KHDC1: variants seen among roughly 807,000 people sequenced by gnomAD.
KHDC1 encodes the protein KH homology domain-containing protein 1.
A neutral mutation model predicts 24.7 loss-of-function variants in KHDC1; 21 were observed. The ratio of observed to expected loss-of-function variants is 0.85; its 90% CI spans 0.60 to 1.23. The LOEUF (loss-of-function observed/expected upper bound fraction) is 1.23. KHDC1 is among the 50% of genes most tolerant of loss of function. The pLI, the probability that KHDC1 is intolerant of heterozygous loss-of-function variation, is 0.00. For missense variants in KHDC1, 274 were observed against 298.5 expected (o/e 0.92, Z 0.61); for synonymous variants, 98 against 111.7 (o/e 0.88, Z 0.77).
chr6:73,245,212 A>C lies in KHDC1; in HGVS notation c.207-2682T>G, dbSNP rs1438090282. 2.0e-5 allele frequency among the ~76,000 whole-genome samples: 3 copies of C among 152,080 alleles called. 1 individual carries two copies. The highest frequency in any genetic ancestry group is 4.4e-5 in the Non-Finnish European group (3 of 68,030). On this transcript the variant is annotated intron_variant, in intron 2 of 4. Transcript: ENST00000370384. ...TTGGTGTCAGCAGCTTGAACTGAAG[A>C]TGTTGGTTTGATCGTCTTCTTCTAA...
intron 2 of KHDC1, among the ~76,000 whole-genome samples, chr6:73,249,314 G>A (rs1766734926): frequency 1.3e-5 from 2 of 152,008 alleles, no homozygotes; most frequent in Non-Finnish European, 2.9e-5. Flanking sequence ...CATTGAAAAA[G>A]TATCTCTGAA....
At chr6:73,261,535 C>CAAA (rs1766979673) in intron 2 of KHDC1, among the ~76,000 whole-genome samples, 1 of 151,720 alleles carries the variant, frequency 6.6e-6, no homozygotes, top group African/African-American at 2.4e-5. Flanking sequence ...TTTGGGAGGT[C>CAAA]GAGGCGGGCG....
chr6:73,277,360 G>A (rs1025620969), intron 2 of KHDC1, among the ~76,000 whole-genome samples: 3 of 150,772 alleles, frequency 2.0e-5, no homozygotes, highest in Non-Finnish European at 3.0e-5. Flanking sequence ...AGCTACTCAG[G>A]AGGCTGAGGC....
chr6:73,241,493 T>C, exon 5 of KHDC1: 1 of 1,598,802 alleles, frequency 6.3e-7, no homozygotes, highest in South Asian at 1.1e-5. Flanking sequence ...AGATTTCTCC[T>C]CTCATCCCCA....
At position 73,252,096 on chromosome 6, in the gene KHDC1, G is replaced by A. The variant is rs138460376; in HGVS notation, c.207-9566C>T. On this transcript the variant is annotated intron_variant, in intron 2 of 4. Transcript: ENST00000370384. ...CTCACCCTGTCACCCAAGCTGGAGTGCAGTGGTGCAATCAGGGCTCACTGC... is the reference window on the plus strand; with the variant it reads ...CTCACCCTGTCACCCAAGCTGGAGTACAGTGGTGCAATCAGGGCTCACTGC... 2.3e-4 allele frequency among the ~76,000 whole-genome samples: 35 copies of A among 149,852 alleles called. 1 individual carries two copies. Among genetic ancestry groups the A allele is most frequent in the African/African-American group, 8.6e-4 (35 of 40,594 alleles).
chr6:73,241,730 T>C lies in KHDC1; in HGVS notation c.515-2A>G, dbSNP rs755395535. On this transcript the variant is annotated splice_acceptor_variant, in intron 4 of 4. Transcript: ENST00000370384. LOFTEE classifies it high-confidence loss of function. ...GGACACGTTCCAGCATCTCCAGGCC[T>C]GCAAAATAAGTGCCCAGGGCTAATG... 5.0e-6 allele frequency: 8 copies of C among 1,614,070 alleles called. No homozygotes were observed. Among genetic ancestry groups the C allele is most frequent in the Non-Finnish European group, 6.8e-6 (8 of 1,179,988 alleles).
chr6:73,249,893 G>A (rs1766747882), intron 2 of KHDC1, among the ~76,000 whole-genome samples: 1 of 152,054 alleles, frequency 6.6e-6, no homozygotes, highest in African/African-American at 2.4e-5. Flanking sequence ...GGCATTACAG[G>A]CATGAGACAC....
chr6:73,263,117 T>C (rs2150569627), intron 2 of KHDC1: 1 of 1,006,152 alleles, frequency 9.9e-7, no homozygotes, highest in Non-Finnish European at 1.2e-6. Flanking sequence ...GAGACAGCGG[T>C]ACCTCCTGGG....
At chr6:73,308,327 G>C (rs936278343) in intron 1 of KHDC1, among the ~76,000 whole-genome samples, 11 of 151,934 alleles carry the variant, frequency 7.2e-5, no homozygotes, top group African/African-American at 2.7e-4. Flanking sequence ...GCCCTCCTCG[G>C]CCTCCCGAAG....
intron 2 of KHDC1, among the ~76,000 whole-genome samples, chr6:73,253,225 G>A (rs565757163): frequency 1.6e-4 from 25 of 152,184 alleles, no homozygotes; most frequent in South Asian, 1.5e-3. Context: ...TGGAAAAGGC[G>A]GATTACTCAA....
intron 2 of KHDC1, among the ~76,000 whole-genome samples, chr6:73,253,266 G>A (rs1405819140): frequency 2.6e-5 from 4 of 152,064 alleles, no homozygotes; most frequent in African/African-American, 9.7e-5. Flanking sequence ...GGAATAAACA[G>A]GTTAACCTGC....
intron 2 of KHDC1, among the ~76,000 whole-genome samples, chr6:73,270,857 AT>A (rs1373312415): frequency 6.6e-6 from 1 of 151,480 alleles, no homozygotes; most frequent in South Asian, 2.1e-4. Context: ...CGCCTGGCTA[AT>A]TTTTTGTATT....
intron 1 of KHDC1, among the ~76,000 whole-genome samples, chr6:73,298,246 A>G (rs914201079): frequency 4.6e-5 from 7 of 151,880 alleles, no homozygotes; most frequent in African/African-American, 1.7e-4. Flanking sequence ...TCAACATGCT[A>G]TGGAGGAGGG....
At chr6:73,309,601 C>T (rs1768040737) in exon 1 of KHDC1, 4 of 1,546,740 alleles carry the variant, frequency 2.6e-6, no homozygotes, top group South Asian at 2.4e-5. Context: ...CGATCAGGAG[C>T]ATCGCAAGGG....
intron 2 of KHDC1, among the ~76,000 whole-genome samples, chr6:73,288,646 G>A (rs549159788): frequency 6.6e-6 from 1 of 151,916 alleles, no homozygotes; most frequent in Non-Finnish European, 1.5e-5. Context: ...TTTGAGCAGG[G>A]TGCAGTGGCA....
In KHDC1 at chr6:73,307,445, T is replaced by A. The variant is rs181603751; in HGVS notation, c.163+2107A>T. On this transcript the variant is annotated intron_variant, in intron 1 of 4. Coordinates refer to ENST00000370384, the Ensembl canonical transcript of KHDC1. ...TCTCACAATAAATAAATAAATTAAT[T>A]AATTAATTAAATAAAATCATTAGAG... is the stretch of plus-strand genomic sequence containing the variant. 4.6e-3 allele frequency among the ~76,000 whole-genome samples: 696 copies of A among 152,012 alleles called. 6 individuals are homozygous for A. The highest frequency in any genetic ancestry group is 0.016 in the African/African-American group (643 of 41,438).
chr6:73,291,145 C>G, intron 2 of KHDC1: 1 of 501,790 alleles, frequency 2.0e-6, no homozygotes. Context: ...TGCAGGTGCC[C>G]TCTGTGCCTA....
chr6:73,255,194 T>C (rs1311071804), intron 2 of KHDC1, among the ~76,000 whole-genome samples: 4 of 150,762 alleles, frequency 2.7e-5, no homozygotes, highest in Non-Finnish European at 5.9e-5. Flanking sequence ...CAATTATTGG[T>C]TTACTAAAAA....
At chr6:73,290,056 C>T in intron 2 of KHDC1, among the ~76,000 whole-genome samples, 1 of 140,510 alleles carries the variant, frequency 7.1e-6, no homozygotes, top group Admixed American at 7.3e-5. Context: ...GCCGAGATTG[C>T]GCCACTGCAG....
Sources: gnomAD v4.1 joint callset for allele counts (sites outside exome capture counted in the v4.1 genomes callset) on GRCh38, gnomAD v4.1.1 for gene constraint, MANE v1.5 for transcripts, NCBI Gene and HGNC (gene_info 2026-07-23, HGNC 2026-07-21) for gene names.